The following RAB27B variants were observed in gnomAD, a reference collection of about 807,000 sequenced individuals.
The protein encoded by RAB27B is RAB27B, member RAS oncogene family, also known as ras-related protein Rab-27B.
In RAB27B, 15 loss-of-function variants were observed where a neutral mutation model predicts 24.6. The ratio of observed to expected loss-of-function variants is 0.61; its 90% confidence interval spans 0.41 to 0.94. RAB27B has a LOEUF of 0.94. Ranked by LOEUF, RAB27B falls within the 40% of genes least tolerant of loss-of-function variation. The probability of loss-of-function intolerance (pLI) is 0.00; values close to 1 mark genes in which losing one functional copy is unlikely to be tolerated. For missense variants in RAB27B, 261 were observed against 266.8 expected, an observed-to-expected ratio of 0.98 and a Z score of 0.15; for synonymous variants, 105 against 92.5, an observed-to-expected ratio of 1.14 and a Z score of -0.78.
At chr18:54,833,234 C>CTTTTTTTTTTTTTTTTTTTTTTTT (rs559070445) in intron 1 of RAB27B, among the ~76,000 whole-genome samples, 1 of 129,518 alleles carries the variant, frequency 7.7e-6, no homozygotes, top group Non-Finnish European at 1.6e-5. Context: ...TTCTTTCTTT[C>CTTTTTTTTTTTTTTTTTTTTTTTT]TTTTTTTTTT....
intron 2 of RAB27B, among the ~76,000 whole-genome samples, chr18:54,803,172 GAAAT>G (rs1909663853): frequency 6.6e-6 from 1 of 152,278 alleles, no homozygotes; most frequent in African/African-American, 2.4e-5. Flanking sequence ...TGTTTATGAT[GAAAT>G]AAATAAAGAT....
chr18:54,848,043 G>A (rs184252175), intron 1 of RAB27B, among the ~76,000 whole-genome samples: 13 of 152,298 alleles, frequency 8.5e-5, no homozygotes, highest in Admixed American at 7.2e-4. Context: ...GAAACAACTG[G>A]ATTGGTTACA....
At position 54,884,421 on chromosome 18, in the gene RAB27B, G is replaced by A. The variant is rs761314668; in HGVS notation, c.328G>A (p.Val110Ile). Residue 110 changes from valine to isoleucine, a missense_variant, in exon 4 of 6, where the codon GTC (valine) becomes ATC (isoleucine). By Grantham distance (29) the Val-to-Ile change is conservative (BLOSUM62 3). Transcript: ENST00000262094. ...CACCAGTCAACAGAGCTTCTTAAAT[G>A]TCAGAAACTGGATGAGTAAGTGGGA... is the stretch of plus-strand genomic sequence containing the variant. ...DLTSQQSFLN[V>I]RNWMSQLQAN... 21 of 1,607,312 alleles carry A rather than the reference G, an allele frequency of 1.3e-5. No homozygotes were observed. Among genetic ancestry groups the A allele is most frequent in the Non-Finnish European group, 1.7e-5 (20 of 1,174,332 alleles).
rs367644272 is a variant in RAB27B, at chr18:54,884,337, C to A, written c.244C>A (p.Arg82=). 6 of 1,607,456 alleles carry A rather than the reference C, an allele frequency of 3.7e-6. No individual in the cohort carries two copies. Among genetic ancestry groups the A allele is most frequent in the Non-Finnish European group, 5.1e-6 (6 of 1,174,294 alleles). The change falls in exon 4 of 6, where the codon CGG becomes AGG. Residue 82 remains arginine (R), a synonymous_variant. Transcript: ENST00000262094. ...CCCACTGTGTTTCCTTGGCAGGTTC[C>A]GGAGTCTCACCACTGCATTTTTCAG... The part of the protein sequence containing the change: ...LWDTAGQERF[R]SLTTAFFRDA...
chr18:54,883,591 C>T (rs1003082147), intron 3 of RAB27B, among the ~76,000 whole-genome samples: 2 of 151,932 alleles, frequency 1.3e-5, no homozygotes, highest in South Asian at 2.1e-4. Context: ...TGGCTGGGGT[C>T]GGGGGTGAGG....
At chr18:54,802,992 T>C (rs1909658546) in intron 2 of RAB27B, among the ~76,000 whole-genome samples, 1 of 152,234 alleles carries the variant, frequency 6.6e-6, no homozygotes, top group East Asian at 1.9e-4. Flanking sequence ...TATTCATTCA[T>C]TTATTCAGTT....
intron 2 of RAB27B, among the ~76,000 whole-genome samples, chr18:54,774,797 C>T (rs1006591071): frequency 6.6e-6 from 1 of 152,134 alleles, no homozygotes; most frequent in African/African-American, 2.4e-5. Flanking sequence ...ATCCCATTAT[C>T]CTGCTTTGTT....
At chr18:54,763,148 T>C (rs1409465703) in intron 2 of RAB27B, among the ~76,000 whole-genome samples, 1 of 152,006 alleles carries the variant, frequency 6.6e-6, no homozygotes. Context: ...CTTCAAAGAG[T>C]AAATAAATAA....
At chr18:54,824,254 T>C (rs1910401592), upstream of RAB27B, among the ~76,000 whole-genome samples, 1 of 152,208 alleles carries the variant, frequency 6.6e-6, no homozygotes, top group Admixed American at 6.5e-5. Context: ...TTGCAACTTT[T>C]TGTTTCTCAT....
intron 2 of RAB27B, among the ~76,000 whole-genome samples, chr18:54,769,308 C>T (rs1451727262): frequency 4.6e-5 from 7 of 152,160 alleles, no homozygotes; most frequent in African/African-American, 7.2e-5. Context: ...TTTGACTCCA[C>T]GTCTCACCTC....
chr18:54,844,378 C>G lies in RAB27B; in HGVS notation c.-20+15678C>G, dbSNP rs1003423916. Among the ~76,000 whole-genome samples the G allele has an allele frequency of 3.2e-5, 4 of 124,256 alleles. No homozygotes were observed. The South Asian group carries it at 1.1e-3, about 35-fold the overall frequency. The allele number at this position is 124,256 out of a possible 152,430, so 81.5% of individuals were successfully genotyped here. On this transcript the variant is annotated intron_variant, in intron 1 of 5. Coordinates refer to ENST00000262094, the MANE Select transcript of RAB27B (RefSeq NM_004163.4). Reference sequence around the variant, plus strand: ...TCATTTTGAGTTACTTTTATCTCTTCTTTCTTTCTTTCTTTCTTTCTTTTC... The same window carrying G: ...TCATTTTGAGTTACTTTTATCTCTTGTTTCTTTCTTTCTTTCTTTCTTTTC...
At chr18:54,863,255 A>G (rs1476432600) in intron 1 of RAB27B, among the ~76,000 whole-genome samples, 2 of 152,188 alleles carry the variant, frequency 1.3e-5, no homozygotes, top group African/African-American at 4.8e-5. Context: ...CTATTGTATC[A>G]TTTTCTATTA....
rs564654568 is a variant in RAB27B at position 54,841,332 on chromosome 18, A to G, written c.-20+12632A>G. 3.3e-5 allele frequency among the ~76,000 whole-genome samples: 5 copies of G among 152,362 alleles called. No individual in the cohort carries two copies. In the East Asian group the frequency reaches 7.7e-4, roughly 23 times the overall value. The stretch of plus-strand genomic sequence containing the variant: ...TTTTGCTTCTCATTATTCCCTAAAC[A>G]ATATAGTATAACAACTAGTTACATA... On this transcript the variant is annotated intron_variant, in intron 1 of 5. Coordinates refer to ENST00000262094, the MANE Select transcript of RAB27B (RefSeq NM_004163.4).
At chr18:54,834,293 T>C (rs1052212602) in intron 1 of RAB27B, among the ~76,000 whole-genome samples, 1 of 152,180 alleles carries the variant, frequency 6.6e-6, no homozygotes. Context: ...AACAGTTTCA[T>C]AGAAAGGAGA....
chr18:54,880,412 A>G (rs902824783), intron 3 of RAB27B: 3 of 152,224 alleles, frequency 2.0e-5, no homozygotes, highest in Admixed American at 6.5e-5. Context: ...AAATTGGCAG[A>G]GAGGATATTT....
intron 1 of RAB27B, among the ~76,000 whole-genome samples, chr18:54,834,296 A>G (rs1910807817): frequency 6.6e-6 from 1 of 152,304 alleles, no homozygotes; most frequent in Admixed American, 6.5e-5. Context: ...AGTTTCATAG[A>G]AAGGAGATAT....
chr18:54,884,225 A>G, intron 3 of RAB27B, 108 bp from the exon 4 acceptor site: 1 of 650,310 alleles, frequency 1.5e-6, no homozygotes, highest in South Asian at 1.9e-5. Flanking sequence ...GATATTCCAT[A>G]AGGGCCAGTC....
chr18:54,794,717 T>C (rs1023874249), intron 2 of RAB27B, among the ~76,000 whole-genome samples: 1 of 152,234 alleles, frequency 6.6e-6, no homozygotes, highest in Non-Finnish European at 1.5e-5. Flanking sequence ...CCAATGGCGA[T>C]GATTAGCTAG....
intron 1 of RAB27B, among the ~76,000 whole-genome samples, chr18:54,831,618 G>A (rs1910682106): frequency 6.6e-6 from 1 of 152,186 alleles, no homozygotes; most frequent in African/African-American, 2.4e-5. Context: ...TATATCTGGG[G>A]TTTGGAAAGA....
Sources: gnomAD v4.1 joint callset for allele counts (sites outside exome capture counted in the v4.1 genomes callset) on GRCh38, gnomAD v4.1.1 for gene constraint, MANE v1.5 for transcripts, NCBI Gene and HGNC (gene_info 2026-07-23, HGNC 2026-07-21) for gene names.